Variants in SV2B observed in about 807,000 individuals in gnomAD.
SV2B encodes synaptic vesicle glycoprotein 2B.
SV2B carries 41 observed loss-of-function variants against 73.9 expected under a neutral mutation model. The observed-to-expected ratio is 0.56, with a 90% CI of 0.43 to 0.72. SV2B has a LOEUF of 0.72. Among genes scored for constraint, SV2B ranks in the 30% least tolerant of loss-of-function variants. The pLI is 0.00. For missense variants in SV2B, 764 were observed against 857.8 expected (o/e 0.89, Z 1.37); for synonymous variants, 314 against 314.2 (o/e 1.00, Z 0.01).
At chr15:91,276,053 C>T (rs1596764876) in intron 9 of SV2B, among the ~76,000 whole-genome samples, 1 of 146,570 alleles carries the variant, frequency 6.8e-6, no homozygotes, top group African/African-American at 2.5e-5. Flanking sequence ...GGTATAAAAT[C>T]TGGGTGGACA....
chr15:91,277,760 A>G (rs1487654603), intron 9 of SV2B, among the ~76,000 whole-genome samples: 5 of 152,092 alleles, frequency 3.3e-5, no homozygotes, highest in African/African-American at 1.2e-4. Flanking sequence ...TTAGTGTTTG[A>G]CTTAGGATGT....
chr15:91,228,039 G>T (rs1320508634), intron 2 of SV2B, among the ~76,000 whole-genome samples: 1 of 152,172 alleles, frequency 6.6e-6, no homozygotes, highest in Non-Finnish European at 1.5e-5. Flanking sequence ...GCCAGATTTA[G>T]CCTGCGGGCT....
Position 91,258,466 on chromosome 15 carries a change from G to T in SV2B, c.830G>T (p.Arg277Ile). The change falls in exon 5 of 13, where the codon AGA becomes ATA. Residue 277 changes from arginine to isoleucine, a missense_variant. Arg to Ile is a moderately conservative substitution (Grantham distance 97). Coordinates refer to ENST00000394232, the MANE Select transcript of SV2B (RefSeq NM_001323032.3). The surrounding 1 kb of genome is among the most constrained non-coding windows in gnomAD (Gnocchi z 4.7). ...MGTNYHFHSW[R>I]VFVIVCALPC... Reference sequence around the variant, plus strand: ...ACCAATTACCACTTCCATAGCTGGAGAGTGTTTGTCATCGTCTGTGCTCTG... The same window carrying T: ...ACCAATTACCACTTCCATAGCTGGATAGTGTTTGTCATCGTCTGTGCTCTG... 1 of 1,614,170 alleles carries T rather than the reference G, an allele frequency of 6.2e-7. No individual in the cohort carries two copies. Among genetic ancestry groups the T allele is most frequent in the Non-Finnish European group, 8.5e-7 (1 of 1,180,014 alleles).
intron 12 of SV2B, among the ~76,000 whole-genome samples, chr15:91,292,061 G>T (rs2049058861): frequency 6.6e-6 from 1 of 151,312 alleles, no homozygotes; most frequent in Non-Finnish European, 1.5e-5. Flanking sequence ...TAGTAAGCAT[G>T]TAGTACCTAT....
Position 91,220,980 on chromosome 15 carries a change from C to T in SV2B, c.-391-4893C>T, listed in dbSNP as rs2046192675. Among the ~76,000 whole-genome samples, 1 of 152,158 alleles carries T rather than the reference C, an allele frequency of 6.6e-6. No homozygotes were observed. The highest frequency in any genetic ancestry group is 2.1e-4 in the South Asian group (1 of 4,826). On this transcript the variant is annotated intron_variant, in intron 1 of 12. Transcript: ENST00000394232. This position sits in a 1 kb window ranked among gnomAD's most constrained non-coding sequence, Gnocchi z 4.1. ...CTGGGATCAAGTGATCTTCCTTCCTCTGCCTCCTGAGGAGCTGGGATTACA... is the reference window on the plus strand; with the variant it reads ...CTGGGATCAAGTGATCTTCCTTCCTTTGCCTCCTGAGGAGCTGGGATTACA...
chr15:91,192,684 G>T (rs1390547295), intron 1 of SV2B, among the ~76,000 whole-genome samples: 1 of 152,192 alleles, frequency 6.6e-6, no homozygotes. Flanking sequence ...GGGAAGGCAG[G>T]TGACATTTTC....
chr15:91,197,221 G>GTT lies in SV2B; in HGVS notation c.-391-28649_-391-28648dup, dbSNP rs761997430. Reference sequence around the variant, plus strand: ...TGTTTTTGTGTTTTTTTTGTTTTTTGTTTTGTTTTGTTTTGTTTTGTTTTG... The same window carrying GTT: ...TGTTTTTGTGTTTTTTTTGTTTTTTGTTTTTTGTTTTGTTTTGTTTTGTTTTG... On this transcript the variant is annotated intron_variant, in intron 1 of 12. Transcript: ENST00000394232. The surrounding 1 kb of genome is among the most constrained non-coding windows in gnomAD (Gnocchi z 4.9). Among the ~76,000 whole-genome samples the GTT allele has an allele frequency of 2.8e-5, 4 of 142,268 alleles. No individual in the cohort carries two copies. Among genetic ancestry groups the GTT allele is most frequent in the Admixed American group, 1.4e-4 (2 of 14,774 alleles). 93.3% of individuals were successfully genotyped at this position (142,268 alleles called of 152,430 possible).
intron 2 of SV2B, among the ~76,000 whole-genome samples, chr15:91,233,761 C>T (rs1242080181): frequency 6.6e-6 from 1 of 152,118 alleles, no homozygotes; most frequent in African/African-American, 2.4e-5. Context: ...AGGCAGTTGC[C>T]TTGCAAGACT....
chr15:91,255,892 A>G (rs1264100897), intron 4 of SV2B, among the ~76,000 whole-genome samples: 1 of 152,210 alleles, frequency 6.6e-6, no homozygotes, highest in Non-Finnish European at 1.5e-5. Flanking sequence ...CAATGTGCCT[A>G]ATGCATTAAT....
At chr15:91,131,225 T>G (rs1309898404) in intron 1 of SV2B, among the ~76,000 whole-genome samples, 4 of 147,730 alleles carry the variant, frequency 2.7e-5, no homozygotes, top group African/African-American at 1.0e-4. Context: ...CCTGGGCTCA[T>G]GCAATTCTCC....
rs948280781 is a variant in SV2B at position 91,242,171 on chromosome 15, C to T, written c.452-9648C>T. On this transcript the variant is annotated intron_variant, in intron 2 of 12. Coordinates refer to ENST00000394232, the MANE Select transcript of SV2B (RefSeq NM_001323032.3). The surrounding 1 kb of genome is among the most constrained non-coding windows in gnomAD (Gnocchi z 4.9). ...GACATCTAAGCTACCTCTGTCTCCT[C>T]GTTTTCCACCTGCCCATTGGCTGCT... is the stretch of plus-strand genomic sequence containing the variant. 6.6e-6 allele frequency among the ~76,000 whole-genome samples: 1 copy of T among 152,202 alleles called. No individual in the cohort carries two copies. The highest frequency in any genetic ancestry group is 2.4e-5 in the African/African-American group (1 of 41,450).
rs1176390097 is a variant in SV2B at position 91,294,941 on chromosome 15, C to G, written c.*2389C>G. 6.6e-6 allele frequency: 1 copy of G among 152,618 alleles called. No homozygotes were observed. Among genetic ancestry groups the G allele is most frequent in the African/African-American group, 2.4e-5 (1 of 41,430 alleles). 9.5% of individuals were successfully genotyped at this position (152,618 alleles called of 1,614,324 possible). A position where few individuals can be genotyped will look rare whatever the true frequency, so the allele number is the denominator to read the frequency against. ...GCTCTGCAGACTTTTGCAGGATTGTCTAGCCTGAGTACCGGGCTACTTCTT... is the reference window on the plus strand; with the variant it reads ...GCTCTGCAGACTTTTGCAGGATTGTGTAGCCTGAGTACCGGGCTACTTCTT... On this transcript the variant is annotated 3_prime_UTR_variant, in exon 13 of 13. Coordinates refer to ENST00000394232, the MANE Select transcript of SV2B (RefSeq NM_001323032.3). The surrounding 1 kb of genome is among the most constrained non-coding windows in gnomAD (Gnocchi z 4.1).
chr15:91,250,354 G>A (rs1252791907), intron 2 of SV2B, among the ~76,000 whole-genome samples: 1 of 152,070 alleles, frequency 6.6e-6, no homozygotes, highest in African/African-American at 2.4e-5. Context: ...AGGTATAGAA[G>A]GCCACATATG....
In SV2B at chr15:91,130,848, T is replaced by G. The variant is rs142274406; in HGVS notation, c.-392+30485T>G. On this transcript the variant is annotated intron_variant, in intron 1 of 12. Coordinates refer to ENST00000394232, the MANE Select transcript of SV2B (RefSeq NM_001323032.3). The surrounding 1 kb of genome is among the most constrained non-coding windows in gnomAD (Gnocchi z 5.6). ...AGGATTGAAGGAAATGTCTTTAGGATGTGTGATATTTTAGTATTTTTACAG... is the reference window on the plus strand; with the variant it reads ...AGGATTGAAGGAAATGTCTTTAGGAGGTGTGATATTTTAGTATTTTTACAG... Among the ~76,000 whole-genome samples the G allele has an allele frequency of 6.6e-6, 1 of 152,168 alleles. No individual in the cohort carries two copies. Among genetic ancestry groups the G allele is most frequent in the Non-Finnish European group, 1.5e-5 (1 of 68,004 alleles).
rs572281684 is a variant in SV2B, at chr15:91,263,152, A to G, written c.1008+2743A>G. 6.6e-4 allele frequency among the ~76,000 whole-genome samples: 100 copies of G among 152,254 alleles called. 1 individual carries two copies. The highest frequency in any genetic ancestry group is 2.3e-3 in the African/African-American group (96 of 41,534). ...GACACACAGACACAGGGACACACGG[A>G]CACACATGAACACAGACACACAGAC... On this transcript the variant is annotated intron_variant, in intron 6 of 12. Coordinates refer to ENST00000394232, the MANE Select transcript of SV2B (RefSeq NM_001323032.3).
intron 6 of SV2B, 47 bp from the exon 7 acceptor site, chr15:91,266,535 A>G: frequency 6.9e-7 from 1 of 1,442,066 alleles, no homozygotes; most frequent in Non-Finnish European, 9.7e-7. Flanking sequence ...GAAAACTCTG[A>G]CACAAAGTGG....
chr15:91,241,179 C>G lies in SV2B; in HGVS notation c.452-10640C>G, dbSNP rs1807239455. ...CTTAAAGTCCTCTCCAATCTTTAGACTTTTAACCTCTTATTACCCCCTTGT... is the reference window on the plus strand; with the variant it reads ...CTTAAAGTCCTCTCCAATCTTTAGAGTTTTAACCTCTTATTACCCCCTTGT... On this transcript the variant is annotated intron_variant, in intron 2 of 12. Transcript: ENST00000394232. This position sits in a 1 kb window ranked among gnomAD's most constrained non-coding sequence, Gnocchi z 4.8. 6.6e-6 allele frequency among the ~76,000 whole-genome samples: 1 copy of G among 152,174 alleles called. No homozygotes were observed. Among genetic ancestry groups the G allele is most frequent in the Non-Finnish European group, 1.5e-5 (1 of 68,036 alleles).
Position 91,122,053 on chromosome 15 carries a change from C to T in SV2B, c.-392+21690C>T, listed in dbSNP as rs181735140. Reference sequence around the variant, plus strand: ...CCTCCCAAAGTGCTGGGATTACAGGCGTGAGCCACTGCGCCCGGCCCAATG... The same window carrying T: ...CCTCCCAAAGTGCTGGGATTACAGGTGTGAGCCACTGCGCCCGGCCCAATG... On this transcript the variant is annotated intron_variant, in intron 1 of 12. Coordinates refer to ENST00000394232, the MANE Select transcript of SV2B (RefSeq NM_001323032.3). The surrounding 1 kb of genome is among the most constrained non-coding windows in gnomAD (Gnocchi z 4.3). Among the ~76,000 whole-genome samples, 197 of 152,190 alleles carry T rather than the reference C, an allele frequency of 1.3e-3. 1 individual carries two copies. The highest frequency in any genetic ancestry group is 2.1e-3 in the Non-Finnish European group (143 of 67,984).
Position 91,106,225 on chromosome 15 carries a change from T to G in SV2B, c.-392+5862T>G, listed in dbSNP as rs2041879012. Among the ~76,000 whole-genome samples, 1 of 152,156 alleles carries G rather than the reference T, an allele frequency of 6.6e-6. No homozygotes were observed. Among genetic ancestry groups the G allele is most frequent in the South Asian group, 2.1e-4 (1 of 4,828 alleles). On this transcript the variant is annotated intron_variant, in intron 1 of 12. Coordinates refer to ENST00000394232, the MANE Select transcript of SV2B (RefSeq NM_001323032.3). The surrounding 1 kb of genome is among the most constrained non-coding windows in gnomAD (Gnocchi z 4.4). Reference sequence around the variant, plus strand: ...GTGGAGAGGAAACAGTGATGGGGTTTAATTGGATATCCAATGGGAGATGTT... The same window carrying G: ...GTGGAGAGGAAACAGTGATGGGGTTGAATTGGATATCCAATGGGAGATGTT...
Sources: gnomAD v4.1 joint callset for allele counts (sites outside exome capture counted in the v4.1 genomes callset) on GRCh38, gnomAD v4.1.1 for gene constraint, Gnocchi (gnomAD v3.1) non-coding constraint, MANE v1.5 for transcripts, NCBI Gene and HGNC (gene_info 2026-07-23, HGNC 2026-07-21) for gene names.